Variants in ITGB3 observed in about 807,000 individuals in gnomAD.
The protein encoded by ITGB3 is integrin beta-3.
ITGB3 carries 48 observed loss-of-function variants against 85.8 expected under a neutral mutation model. The ratio of observed to expected loss-of-function variants is 0.56; its 90% confidence interval spans 0.44 to 0.71. ITGB3 has a LOEUF of 0.71. Ranked by LOEUF, ITGB3 falls within the 30% of genes least tolerant of loss-of-function variation. The pLI is 0.00. For missense variants in ITGB3, 861 were observed against 1,019.1 expected (o/e 0.84, Z 2.11); for synonymous variants, 363 against 395.6 (o/e 0.92, Z 0.98).
In ITGB3 at chr17:47,283,310, A is replaced by G. The variant is rs1396782664; in HGVS notation, c.166-44A>G. 4 of 1,601,074 alleles carry G rather than the reference A, an allele frequency of 2.5e-6. No individual in the cohort carries two copies. In the African/African-American group the frequency reaches 5.4e-5, roughly 21 times the overall value. ...GGCCTGCAGGAGGTAGAGAGTCGCC[A>G]TAGCTCTGATTGCTGGACTTCTCTT... On this transcript the variant is annotated intron_variant, in intron 2 of 14. Coordinates refer to ENST00000559488, the MANE Select transcript of ITGB3 (RefSeq NM_000212.3).
At chr17:47,307,762 A>G in intron 14 of ITGB3, 125 bp downstream of exon 14, 2 of 930,334 alleles carry the variant, frequency 2.1e-6, no homozygotes, top group Admixed American at 4.0e-5. Flanking sequence ...CTGTTCTGGA[A>G]ACTGGGAGAG....
Position 47,310,521 on chromosome 17 carries a change from C to T in ITGB3, c.*317C>T, listed in dbSNP as rs897850524. 2.3e-6 allele frequency: 1 copy of T among 439,362 alleles called. No individual in the cohort carries two copies. Among genetic ancestry groups the T allele is most frequent in the African/African-American group, 2.0e-5 (1 of 49,740 alleles). 27.2% of individuals were successfully genotyped at this position (439,362 alleles called of 1,614,324 possible). On this transcript the variant is annotated 3_prime_UTR_variant, in exon 15 of 15. Coordinates refer to ENST00000559488, the MANE Select transcript of ITGB3 (RefSeq NM_000212.3). The stretch of plus-strand genomic sequence containing the variant: ...GCTTAGCTTGAGGGTGACTATGGAG[C>T]TGAGCAGGTGTTCTTCATTACCTCA...
chr17:47,278,634 C>T (rs1365403620), intron 2 of ITGB3, among the ~76,000 whole-genome samples: 6 of 152,078 alleles, frequency 3.9e-5, no homozygotes, highest in Non-Finnish European at 8.8e-5. Flanking sequence ...TATACTGTGT[C>T]CTAAAGCAGG....
At chr17:47,295,480 C>T (rs904089574) in intron 10 of ITGB3, among the ~76,000 whole-genome samples, 2 of 152,198 alleles carry the variant, frequency 1.3e-5, no homozygotes, top group Non-Finnish European at 2.9e-5. Context: ...CTCCCTTTTG[C>T]TGGAAGGGTG....
rs11381846 is a variant in ITGB3, at chr17:47,313,347, CTTT to C, written c.*3158_*3160del. On this transcript the variant is annotated 3_prime_UTR_variant, in exon 15 of 15. Transcript: ENST00000559488. ...AGTATTCCTGGTTGAAATTTCTTTT[CTTT>C]TTTTTTTTTTTTTTGAGACAGAGTC... 6.2e-5 allele frequency among the ~76,000 whole-genome samples: 8 copies of C among 128,298 alleles called. No homozygotes were observed. Among genetic ancestry groups the C allele is most frequent in the Admixed American group, 8.0e-5 (1 of 12,498 alleles). The allele number at this position is 128,298 out of a possible 152,430, so 84.2% of individuals were successfully genotyped here.
At chr17:47,303,967 C>G (rs1774481921) in intron 13 of ITGB3, among the ~76,000 whole-genome samples, 1 of 152,062 alleles carries the variant, frequency 6.6e-6, no homozygotes, top group Admixed American at 6.6e-5. Context: ...CCTTGGCTCA[C>G]TGCAGTCTCA....
At position 47,292,518 on chromosome 17, in the gene ITGB3, G is replaced by A. The variant is rs2065131166; in HGVS notation, c.1640G>A (p.Cys547Tyr). ...SDFGKITGKY[C>Y]ECDDFSCVRY... ...TTTGGCAAGATCACGGGCAAGTACTGCGAGTGTGACGACTTCTCCTGTGTC... is the reference window on the plus strand; with the variant it reads ...TTTGGCAAGATCACGGGCAAGTACTACGAGTGTGACGACTTCTCCTGTGTC... The change falls in exon 10 of 15, where the codon TGC becomes TAC. Residue 547 changes from cysteine to tyrosine, a missense_variant. Physicochemically the swap from Cys to Tyr is radical, Grantham distance 194. Transcript: ENST00000559488. 1 of 1,605,836 alleles carries A rather than the reference G, an allele frequency of 6.2e-7. No homozygotes were observed. The highest frequency in any genetic ancestry group is 1.3e-5 in the African/African-American group (1 of 75,052).
In ITGB3 at chr17:47,274,439, C is replaced by T. The variant is rs75427428; in HGVS notation, c.100C>T (p.Arg34Ter). The T allele has an allele frequency of 8.1e-6, 13 of 1,613,336 alleles. No individual in the cohort carries two copies. Among genetic ancestry groups the T allele is most frequent in the African/African-American group, 6.7e-5 (5 of 74,926 alleles). ...GVGGPNICTT[R>*]GVSSCQQCLA... is the part of the protein sequence containing the mutation. ...TGCAGGGCCCAACATCTGTACCACG[C>T]GAGGTGTGAGCTCCTGCCAGCAGTG... Residue 34 changes from arginine to a stop codon, truncating the protein, a stop_gained, in exon 2 of 15, where the codon CGA becomes TGA. Transcript: ENST00000559488. LOFTEE classifies it high-confidence loss of function.
At chr17:47,278,288 CTG>C (rs2065070674) in intron 2 of ITGB3, among the ~76,000 whole-genome samples, 1 of 152,148 alleles carries the variant, frequency 6.6e-6, no homozygotes, top group African/African-American at 2.4e-5. Context: ...ATTGTGGTAA[CTG>C]TAAAAAAGAG....
chr17:47,283,294 GAGGT>G (rs1338992343), intron 2 of ITGB3, 56 bp from the exon 3 acceptor site: 40 of 1,533,372 alleles, frequency 2.6e-5, no homozygotes, highest in Non-Finnish European at 3.5e-5. Context: ...GGGCCTGCAG[GAGGT>G]AGAGAGTCGC....
intron 1 of ITGB3, among the ~76,000 whole-genome samples, chr17:47,261,827 T>C (rs1335334005): frequency 6.6e-6 from 1 of 152,216 alleles, no homozygotes; most frequent in Non-Finnish European, 1.5e-5. Flanking sequence ...GCCCATTGTC[T>C]CTTAATAATA....
chr17:47,269,402 C>T (rs1045110022), intron 1 of ITGB3, among the ~76,000 whole-genome samples: 1 of 152,202 alleles, frequency 6.6e-6, no homozygotes, highest in Non-Finnish European at 1.5e-5. Context: ...GTATGCTTTG[C>T]TGCCTAGAAA....
chr17:47,264,469 A>G (rs1296347226), intron 1 of ITGB3, among the ~76,000 whole-genome samples: 1 of 152,210 alleles, frequency 6.6e-6, no homozygotes, highest in African/African-American at 2.4e-5. Context: ...TAATTGAATA[A>G]TAAGTCTCTT....
rs1424237752 is a variant in ITGB3 at position 47,289,694 on chromosome 17, T to C, written c.953T>C (p.Leu318Ser). 6.2e-7 allele frequency: 1 copy of C among 1,612,826 alleles called. No individual in the cohort carries two copies. The part of the protein sequence containing the change: ...SASTTMDYPS[L>S]GLMTEKLSQK... ...TCATTTTCCTAGGATTATCCCTCTT[T>C]GGGGCTGATGACTGAGAAGCTATCC... is the stretch of plus-strand genomic sequence containing the variant. The change falls in exon 7 of 15, where the codon TTG becomes TCG. Residue 318 changes from leucine to serine, a missense_variant. Leu to Ser is a moderately radical substitution (Grantham distance 145). Transcript: ENST00000559488.
In ITGB3 at chr17:47,312,424, A is replaced by G. The variant is rs2065218956; in HGVS notation, c.*2220A>G. Among the ~76,000 whole-genome samples the G allele has an allele frequency of 6.6e-6, 1 of 152,188 alleles. No individual in the cohort carries two copies. Among genetic ancestry groups the G allele is most frequent in the African/African-American group, 2.4e-5 (1 of 41,442 alleles). Reference sequence around the variant, plus strand: ...AAATAGGGGGCGGGGAGGGATAGTCATGGATCCAAGAAGTCCTTAGAAATA... The same window carrying G: ...AAATAGGGGGCGGGGAGGGATAGTCGTGGATCCAAGAAGTCCTTAGAAATA... On this transcript the variant is annotated 3_prime_UTR_variant, in exon 15 of 15. Coordinates refer to ENST00000559488, the MANE Select transcript of ITGB3 (RefSeq NM_000212.3).
At chr17:47,308,922 T>G (rs1161729358) in intron 14 of ITGB3, among the ~76,000 whole-genome samples, 1 of 151,810 alleles carries the variant, frequency 6.6e-6, no homozygotes, top group East Asian at 1.9e-4. Flanking sequence ...TAGTGCTTTC[T>G]CTTTCTCTCC....
chr17:47,293,842 G>A (rs1382522560), intron 10 of ITGB3, among the ~76,000 whole-genome samples: 3 of 152,098 alleles, frequency 2.0e-5, no homozygotes, highest in Non-Finnish European at 2.9e-5. Flanking sequence ...TCTTGACCTC[G>A]TGATCCTCCC....
intron 1 of ITGB3, among the ~76,000 whole-genome samples, chr17:47,265,107 T>G (rs1338018298): frequency 6.6e-6 from 1 of 152,230 alleles, no homozygotes; most frequent in Admixed American, 6.5e-5. Flanking sequence ...ACCATTGATA[T>G]ATATAGGTAG....
At position 47,300,555 on chromosome 17, in the gene ITGB3, A is replaced by C. The variant is rs775123693; in HGVS notation, c.1991A>C (p.Glu664Ala). 3.1e-6 allele frequency: 5 copies of C among 1,613,906 alleles called. No individual in the cohort carries two copies. The Admixed American group carries it at 8.3e-5, about 27-fold the overall frequency. The change falls in exon 12 of 15, where the codon GAG becomes GCG. Residue 664 changes from glutamate to alanine, a missense_variant. Physicochemically the swap from Glu to Ala is moderately radical, Grantham distance 107. Coordinates refer to ENST00000559488, the MANE Select transcript of ITGB3 (RefSeq NM_000212.3). ...ACCTGCAACCGTTACTGCCGTGACG[A>C]GATTGAGTCAGTGAAAGAGCTTAGT... ...ENTCNRYCRD[E>A]IESVKELKDT...
Sources: allele counts gnomAD v4.1 joint callset (sites outside exome capture counted in the v4.1 genomes callset), GRCh38; gene constraint gnomAD v4.1.1; transcripts MANE v1.5; gene names NCBI Gene and HGNC (gene_info 2026-07-23, HGNC 2026-07-21).